SLC26A7: variants seen among roughly 807,000 people sequenced by gnomAD.
The protein encoded by SLC26A7 is anion exchange transporter.
Under a neutral mutation model 82.5 loss-of-function variants are expected in SLC26A7, and 59 were observed. The observed-to-expected ratio is 0.72, with a 90% confidence interval of 0.58 to 0.89. SLC26A7 has a LOEUF of 0.89. Ranked by LOEUF, SLC26A7 falls within the 40% of genes least tolerant of loss-of-function variation. SLC26A7 has a pLI of 0.00. For missense variants in SLC26A7, 820 were observed against 793.0 expected (o/e 1.03, Z -0.41); for synonymous variants, 271 against 274.3 (o/e 0.99, Z 0.12).
At chr8:91,228,602 G>A (rs144099231) in intron 2 of SLC26A7, among the ~76,000 whole-genome samples, 1 of 152,174 alleles carries the variant, frequency 6.6e-6, no homozygotes, top group African/African-American at 2.4e-5. Context: ...TTTTATTCTT[G>A]TAAGTAATTT....
rs1471539590 is a variant in SLC26A7, at chr8:91,393,935, G to T, written c.1832-1G>T. 1.2e-6 allele frequency: 2 copies of T among 1,613,406 alleles called. No individual in the cohort carries two copies. Among genetic ancestry groups the T allele is most frequent in the South Asian group, 1.1e-5 (1 of 90,978 alleles). On this transcript the variant is annotated splice_acceptor_variant, in intron 17 of 18. Coordinates refer to ENST00000276609, the MANE Select transcript of SLC26A7 (RefSeq NM_052832.4). LOFTEE classifies it high-confidence loss of function. ...CTTATATCACTTGTGCTTTCTTGAA[G>T]CTTCCTTGATAAAAGCAATGACGTA...
At chr8:91,363,610 C>T (rs1325222870) in intron 13 of SLC26A7, 72 bp downstream of exon 13, 1 of 844,484 alleles carries the variant, frequency 1.2e-6, no homozygotes, top group Non-Finnish European at 1.8e-6. Context: ...TAAGACATCA[C>T]AAAAATTAGA....
chr8:91,390,711 A>C (rs1454742602), intron 16 of SLC26A7, among the ~76,000 whole-genome samples: 1 of 151,676 alleles, frequency 6.6e-6, no homozygotes, highest in East Asian at 2.0e-4. Flanking sequence ...CTCACCATTG[A>C]TCTCTCCCTG....
chr8:91,369,573 AATT>A (rs201563442), intron 14 of SLC26A7, among the ~76,000 whole-genome samples: 2 of 152,274 alleles, frequency 1.3e-5, no homozygotes, highest in East Asian at 3.9e-4. Flanking sequence ...TGATAACATA[AATT>A]ATTTAATGAA....
chr8:91,294,551 A>C (rs1811965215), intron 3 of SLC26A7, among the ~76,000 whole-genome samples: 1 of 152,146 alleles, frequency 6.6e-6, no homozygotes, highest in East Asian at 1.9e-4. Flanking sequence ...GGCCCTTTTC[A>C]TGAAATCTCA....
upstream of SLC26A7, among the ~76,000 whole-genome samples, chr8:91,246,746 T>C (rs929315398): frequency 2.6e-5 from 4 of 151,162 alleles, no homozygotes; most frequent in African/African-American, 7.3e-5. Context: ...CAGGACATCA[T>C]GAGTATAATT....
intron 2 of SLC26A7, among the ~76,000 whole-genome samples, chr8:91,269,263 G>A (rs939745565): frequency 1.2e-4 from 18 of 151,816 alleles, no homozygotes; most frequent in Non-Finnish European, 2.5e-4. Flanking sequence ...AGCATTTTAT[G>A]TAAGGCAGGT....
At chr8:91,334,861 T>C (rs1167435701) in intron 6 of SLC26A7, among the ~76,000 whole-genome samples, 1 of 152,158 alleles carries the variant, frequency 6.6e-6, no homozygotes, top group Non-Finnish European at 1.5e-5. Context: ...AATTGATAAA[T>C]GTTCATTCAT....
intron 3 of SLC26A7, among the ~76,000 whole-genome samples, chr8:91,292,274 C>T (rs1422229281): frequency 6.6e-6 from 1 of 151,320 alleles, no homozygotes; most frequent in Non-Finnish European, 1.5e-5. Context: ...CCACTGCACT[C>T]CAGCCTGGGC....
intron 15 of SLC26A7, among the ~76,000 whole-genome samples, chr8:91,385,547 C>A (rs571729427): frequency 6.6e-6 from 1 of 152,170 alleles, no homozygotes; most frequent in South Asian, 2.1e-4. Flanking sequence ...TTATTATCCA[C>A]AACTATAAGG....
intron 2 of SLC26A7, among the ~76,000 whole-genome samples, chr8:91,275,341 C>G (rs1472534132): frequency 6.6e-6 from 1 of 152,064 alleles, no homozygotes; most frequent in Non-Finnish European, 1.5e-5. Context: ...CTTTGTTGCC[C>G]AGGCTGGAGT....
intron 4 of SLC26A7, among the ~76,000 whole-genome samples, chr8:91,317,466 G>A (rs779192028): frequency 2.6e-5 from 4 of 152,110 alleles, no homozygotes; most frequent in Non-Finnish European, 5.9e-5. Flanking sequence ...ATTATGCCTA[G>A]TGTTCCACTA....
chr8:91,261,262 A>G (rs547045344), intron 2 of SLC26A7, among the ~76,000 whole-genome samples: 1 of 152,296 alleles, frequency 6.6e-6, no homozygotes, highest in African/African-American at 2.4e-5. Context: ...GGAAAGCGAT[A>G]GAGGAGTATA....
At chr8:91,329,846 A>G (rs182712184) in intron 5 of SLC26A7, among the ~76,000 whole-genome samples, 21 of 152,216 alleles carry the variant, frequency 1.4e-4, no homozygotes, top group Non-Finnish European at 2.6e-4. Flanking sequence ...TCCCTGTAGA[A>G]TATTTCTCAC....
chr8:91,324,066 A>G (rs1812870049), intron 5 of SLC26A7, among the ~76,000 whole-genome samples: 2 of 151,930 alleles, frequency 1.3e-5, no homozygotes, highest in Non-Finnish European at 2.9e-5. Context: ...TCGTCATGTG[A>G]TCTGCCCACC....
intron 5 of SLC26A7, among the ~76,000 whole-genome samples, chr8:91,328,558 T>TA (rs1460060354): frequency 6.6e-6 from 1 of 152,090 alleles, no homozygotes; most frequent in Non-Finnish European, 1.5e-5. Context: ...TTATTCAAGG[T>TA]AAAATCTATG....
At chr8:91,333,153 A>G (rs564969252) in intron 5 of SLC26A7, among the ~76,000 whole-genome samples, 3 of 152,114 alleles carry the variant, frequency 2.0e-5, no homozygotes, top group Non-Finnish European at 4.4e-5. Flanking sequence ...ACAACATTCT[A>G]AGTTGTTGAA....
rs781415045 is a variant in SLC26A7 at position 91,351,777 on chromosome 8, C to T, written c.1141-33C>T. The T allele has an allele frequency of 9.5e-5, 143 of 1,498,164 alleles. 1 individual carries two copies. The highest frequency in any genetic ancestry group is 3.4e-4 in the Middle Eastern group (2 of 5,848). The allele number at this position is 1,498,164 out of a possible 1,614,324, so 92.8% of individuals were successfully genotyped here. ...ACATAATAAAAAAGTTCAAGGCTTT[C>T]TTTTTCCTTTTTGTCTGTCTTGTAT... On this transcript the variant is annotated intron_variant, in intron 9 of 18. Transcript: ENST00000276609.
At chr8:91,355,229 G>A (rs1468611390) in intron 11 of SLC26A7, among the ~76,000 whole-genome samples, 2 of 152,026 alleles carry the variant, frequency 1.3e-5, no homozygotes, top group Non-Finnish European at 2.9e-5. Flanking sequence ...TCTTACTACT[G>A]AAGTTTGGTA....
Sources: gnomAD v4.1 joint callset for allele counts (sites outside exome capture counted in the v4.1 genomes callset) on GRCh38, gnomAD v4.1.1 for gene constraint, MANE v1.5 for transcripts, NCBI Gene and HGNC (gene_info 2026-07-23, HGNC 2026-07-21) for gene names.